Variants in TTK observed in about 807,000 individuals in gnomAD.
TTK encodes dual specificity protein kinase TTK.
TTK carries 59 observed loss-of-function variants against 117.3 expected under a neutral mutation model. The observed-to-expected ratio is 0.50, with a 90% CI of 0.41 to 0.62. The LOEUF (loss-of-function observed/expected upper bound fraction) is 0.62. Ranked by LOEUF, TTK falls within the 20% of genes least tolerant of loss-of-function variation. TTK has a pLI of 0.00. For missense variants in TTK, 921 were observed against 989.4 expected (o/e 0.93, Z 0.93); for synonymous variants, 302 against 325.0 (o/e 0.93, Z 0.76).
In TTK at chr6:80,042,116, C is replaced by T. The variant is rs1582119661; in HGVS notation, c.2491-3C>T. The stretch of plus-strand genomic sequence containing the variant: ...AAAACAGATTTGTGTTTTTTAATTT[C>T]AGACTTTATATGAACACTATAGTGG... On this transcript the variant is annotated splice_polypyrimidine_tract_variant and splice_region_variant and intron_variant, in intron 21 of 21. Coordinates refer to ENST00000369798, the MANE Select transcript of TTK (RefSeq NM_003318.5). 6.5e-7 allele frequency: 1 copy of T among 1,538,128 alleles called. No homozygotes were observed. The highest frequency in any genetic ancestry group is 1.4e-5 in the African/African-American group (1 of 72,472).
In TTK at chr6:80,006,019, G is replaced by A. The variant is rs779634461; in HGVS notation, c.139+37G>A. On this transcript the variant is annotated intron_variant, in intron 2 of 21. Transcript: ENST00000369798. ...TTTTCTTTTAAGTTAGTAACTGTTT[G>A]TTGGGTATCCTCTAAGGTAAAGATA... is the stretch of plus-strand genomic sequence containing the variant. 3.1e-6 allele frequency: 5 copies of A among 1,588,928 alleles called. No individual in the cohort carries two copies. The South Asian group carries it at 5.7e-5, about 18-fold the overall frequency.
chr6:80,010,809 G>C lies in TTK; in HGVS notation c.470-5G>C, dbSNP rs1398996943. ...AAAAATGACAATTATCTTTTGCTTT[G>C]TTAGGTAATGTCAAAAAAAGTAAAC... On this transcript the variant is annotated splice_polypyrimidine_tract_variant and splice_region_variant and intron_variant, in intron 4 of 21. Transcript: ENST00000369798. 1.2e-6 allele frequency: 2 copies of C among 1,603,672 alleles called. No homozygotes were observed. The highest frequency in any genetic ancestry group is 2.2e-5 in the South Asian group (2 of 89,988).
At chr6:80,030,056 T>C (rs1767713624) in intron 13 of TTK, among the ~76,000 whole-genome samples, 1 of 152,174 alleles carries the variant, frequency 6.6e-6, no homozygotes, top group South Asian at 2.1e-4. Flanking sequence ...ATATAGACAA[T>C]GTATCTCAAT....
intron 10 of TTK, among the ~76,000 whole-genome samples, chr6:80,021,488 C>T (rs967129564): frequency 2.0e-5 from 3 of 152,184 alleles, no homozygotes; most frequent in African/African-American, 7.2e-5. Flanking sequence ...AGGCCAAAAA[C>T]ATGAGAAGTG....
At chr6:80,013,434 C>A in intron 9 of TTK, 68 bp downstream of exon 9, 2 of 1,289,498 alleles carry the variant, frequency 1.6e-6, no homozygotes, top group Non-Finnish European at 2.2e-6. Context: ...ATTCATGGAG[C>A]TTTTTCTGGG....
chr6:80,008,968 T>TGTGTGTGTGTGTGTGTGG (rs1582086989), intron 4 of TTK, among the ~76,000 whole-genome samples: 1 of 146,746 alleles, frequency 6.8e-6, no homozygotes, highest in Admixed American at 6.8e-5. Context: ...TGTGTGTGTG[T>TGTGTGTGTGTGTGTGTGG]AGCGTTAATT....
At chr6:80,017,273 C>CA (rs1316683604) in intron 10 of TTK, among the ~76,000 whole-genome samples, 1 of 151,840 alleles carries the variant, frequency 6.6e-6, no homozygotes, top group East Asian at 1.9e-4. Context: ...GTTCTATATT[C>CA]ATTTTTGTCT....
chr6:80,031,715 C>T (rs1767765227), intron 14 of TTK, among the ~76,000 whole-genome samples, 156 bp downstream of exon 14: 2 of 152,144 alleles, frequency 1.3e-5, no homozygotes, highest in Admixed American at 1.3e-4. Context: ...TCTCTTCCCG[C>T]TGCCCCTCAC....
intron 4 of TTK, among the ~76,000 whole-genome samples, chr6:80,010,309 G>A (rs1348670668): frequency 1.3e-5 from 2 of 151,692 alleles, no homozygotes; most frequent in African/African-American, 2.4e-5. Context: ...TATTTATTAT[G>A]TTTTTCCCCG....
chr6:80,007,171 G>T lies in TTK; in HGVS notation c.140-638G>T, dbSNP rs558894036. ...ACAAGAGGTCCTATAAATTCCAAAG[G>T]TCTAGACCACGGTAACTATGAGTTT... is the stretch of plus-strand genomic sequence containing the variant. On this transcript the variant is annotated intron_variant, in intron 2 of 21. Transcript: ENST00000369798. 4.1e-4 allele frequency among the ~76,000 whole-genome samples: 62 copies of T among 152,160 alleles called. 1 individual carries two copies. Among genetic ancestry groups the T allele is most frequent in the Non-Finnish European group, 8.2e-4 (56 of 67,950 alleles).
chr6:80,009,760 A>G (rs934064021), intron 4 of TTK, among the ~76,000 whole-genome samples: 2 of 152,142 alleles, frequency 1.3e-5, no homozygotes, highest in African/African-American at 2.4e-5. Flanking sequence ...AGCACAGTTG[A>G]TGGCTTGGCT....
In TTK at chr6:80,004,714, G is replaced by T. The variant is rs181718241; in HGVS notation, c.-3+1G>T. The stretch of plus-strand genomic sequence containing the variant: ...ATTTCCCCAGCGCAGCTTTCTGTAG[G>T]TAAGTTCTGTCTTACCGGTGCACCG... On this transcript the variant is annotated splice_donor_variant, in intron 1 of 21. Coordinates refer to ENST00000369798, the MANE Select transcript of TTK (RefSeq NM_003318.5). LOFTEE classifies it low-confidence loss of function (5UTR_SPLICE). The T allele has an allele frequency of 6.6e-6, 1 of 152,310 alleles. No individual in the cohort carries two copies. The highest frequency in any genetic ancestry group is 6.5e-5 in the Admixed American group (1 of 15,298). 9.4% of individuals were successfully genotyped at this position (152,310 alleles called of 1,614,324 possible).
At chr6:80,034,378 G>GA (rs1183184701) in intron 14 of TTK, among the ~76,000 whole-genome samples, 1 of 152,174 alleles carries the variant, frequency 6.6e-6, no homozygotes, top group African/African-American at 2.4e-5. Context: ...CCAGAACAGA[G>GA]ACAGTGGGGG....
intron 10 of TTK, among the ~76,000 whole-genome samples, chr6:80,021,429 CAG>C (rs1767455642): frequency 6.6e-6 from 1 of 151,178 alleles, no homozygotes; most frequent in South Asian, 2.1e-4. Context: ...GTTCCTCACA[CAG>C]GGCACCACAT....
rs1256525948 is a variant in TTK at position 80,011,950 on chromosome 6, A to G, written c.866A>G (p.Asp289Gly). Residue 289 changes from aspartate to glycine, a missense_variant, in exon 8 of 22, where the codon GAT (aspartate) becomes GGT (glycine). Coordinates refer to ENST00000369798, the MANE Select transcript of TTK (RefSeq NM_003318.5). ...LNSPDCDVKT[D>G]DSVVPCFMKR... Reference sequence around the variant, plus strand: ...AGCCCAGATTGTGATGTGAAGACAGATGATTCAGTTGTACCTTGTTTTATG... The same window carrying G: ...AGCCCAGATTGTGATGTGAAGACAGGTGATTCAGTTGTACCTTGTTTTATG... The G allele has an allele frequency of 2.5e-6, 4 of 1,611,754 alleles. No individual in the cohort carries two copies. The highest frequency in any genetic ancestry group is 3.4e-6 in the Non-Finnish European group (4 of 1,178,946).
At chr6:80,032,406 C>T (rs1767783310) in intron 14 of TTK, among the ~76,000 whole-genome samples, 1 of 152,164 alleles carries the variant, frequency 6.6e-6, no homozygotes, top group African/African-American at 2.4e-5. Flanking sequence ...TTTTCTTAAA[C>T]TCATTCATTG....
intron 21 of TTK, 147 bp downstream of exon 21, chr6:80,040,850 A>G: frequency 1.5e-6 from 1 of 647,186 alleles, no homozygotes; most frequent in South Asian, 2.1e-5. Context: ...TAACATGTGC[A>G]TTTTGACAAA....
At chr6:80,022,229 A>T in intron 10 of TTK, 95 bp from the exon 11 acceptor site, 1 of 1,280,974 alleles carries the variant, frequency 7.8e-7, no homozygotes, top group South Asian at 1.7e-5. Flanking sequence ...TTAAGAACTA[A>T]ATACTCATAT....
chr6:80,024,510 T>C (rs577290549), intron 11 of TTK, among the ~76,000 whole-genome samples: 6 of 152,218 alleles, frequency 3.9e-5, no homozygotes, highest in Non-Finnish European at 7.3e-5. Context: ...AAAGCCCATA[T>C]ATTTTATGAT....
Sources: gnomAD v4.1 joint callset for allele counts (sites outside exome capture counted in the v4.1 genomes callset) on GRCh38, gnomAD v4.1.1 for gene constraint, MANE v1.5 for transcripts, NCBI Gene and HGNC (gene_info 2026-07-23, HGNC 2026-07-21) for gene names.